Variants in MAST4 observed in about 807,000 individuals in gnomAD.
MAST4 encodes the protein microtubule associated serine/threonine kinase family member 4.
Under a neutral mutation model 162.7 loss-of-function variants are expected in MAST4, and 89 were observed. The ratio of observed to expected loss-of-function variants is 0.55; its 90% CI spans 0.46 to 0.65. The LOEUF is 0.65. Among genes scored for constraint, MAST4 ranks in the 30% least tolerant of loss-of-function variants. MAST4 has a pLI of 0.00. For missense variants in MAST4, 3,153 were observed against 3,374.0 expected (o/e 0.93, Z 1.62); for synonymous variants, 1,479 against 1,361.1 (o/e 1.09, Z -1.91).
At chr5:66,699,071 A>G (rs1749596084) in intron 1 of MAST4, among the ~76,000 whole-genome samples, 1 of 152,140 alleles carries the variant, frequency 6.6e-6, no homozygotes. Context: ...ATACTAGTTT[A>G]CCACCTCCAG....
chr5:66,764,578 T>A (rs573156654), intron 2 of MAST4, among the ~76,000 whole-genome samples: 1 of 152,194 alleles, frequency 6.6e-6, no homozygotes, highest in Admixed American at 6.5e-5. Context: ...TGATCCTGAC[T>A]CTGCATAGGC....
rs180992392 is a variant in MAST4, at chr5:67,149,698, C to T, written c.3295+109C>T. The T allele has an allele frequency of 4.9e-5, 54 of 1,093,620 alleles. 1 individual carries two copies. The South Asian group carries it at 6.6e-4, about 13-fold the overall frequency. 67.7% of individuals were successfully genotyped at this position (1,093,620 alleles called of 1,614,324 possible). ...GATGCAAGATTGCTTGAAGTAATAA[C>T]GGGTCATGTCCCAGGACAGCTCTTG... On this transcript the variant is annotated intron_variant, in intron 24 of 28. Transcript: ENST00000403625.
intron 4 of MAST4, among the ~76,000 whole-genome samples, chr5:66,919,978 TTC>T (rs70987149): frequency 1.7e-4 from 21 of 126,932 alleles, no homozygotes; most frequent in East Asian, 6.8e-4. Context: ...CCTTCCTTCT[TTC>T]TCTCTCTCTC....
Position 67,166,966 on chromosome 5 carries a change from CTCTT to C in MAST4, c.7791_7794del (p.Ser2598MetfsTer86), listed in dbSNP as rs781518525. The C allele has an allele frequency of 8.7e-6, 14 of 1,612,570 alleles. No homozygotes were observed. The highest frequency in any genetic ancestry group is 5.5e-5 in the South Asian group (5 of 90,918). The stretch of plus-strand genomic sequence containing the variant: ...GCCCCAAACACTGACCGCCCCATCT[CTCTT>C]TCTAATGAGAAGGACTTTGTGGTAC... On this transcript the variant is annotated frameshift_variant, in exon 29 of 29. Coordinates refer to ENST00000403625, the MANE Select transcript of MAST4 (RefSeq NM_001164664.2). LOFTEE classifies it high-confidence loss of function.
At chr5:66,747,343 C>G (rs1002445421) in intron 1 of MAST4, among the ~76,000 whole-genome samples, 3 of 152,040 alleles carry the variant, frequency 2.0e-5, no homozygotes, top group South Asian at 2.1e-4. Context: ...TGAAACACTT[C>G]TTATATTTCT....
intron 3 of MAST4, among the ~76,000 whole-genome samples, chr5:66,831,187 T>C (rs1410481130): frequency 1.3e-5 from 2 of 152,220 alleles, no homozygotes; most frequent in Admixed American, 6.5e-5. Context: ...TATCATTGCT[T>C]ATGAAATGAA....
chr5:66,601,084 G>T (rs545936078), intron 1 of MAST4, among the ~76,000 whole-genome samples: 1 of 152,168 alleles, frequency 6.6e-6, no homozygotes, highest in African/African-American at 2.4e-5. Flanking sequence ...TTATGGAGTG[G>T]GGGGTTTCCC....
intron 1 of MAST4, among the ~76,000 whole-genome samples, chr5:66,603,602 A>T (rs186903382): frequency 3.3e-5 from 5 of 152,354 alleles, no homozygotes; most frequent in Admixed American, 3.3e-4. Context: ...GAAATCTGTT[A>T]GGAATGCAAT....
intron 26 of MAST4, among the ~76,000 whole-genome samples, chr5:67,157,853 C>T (rs572498686): frequency 5.3e-5 from 8 of 152,220 alleles, no homozygotes; most frequent in South Asian, 2.1e-4. Flanking sequence ...ACAACGCTTA[C>T]GACTTGTTTG....
chr5:66,679,048 T>C (rs913561447), intron 1 of MAST4, among the ~76,000 whole-genome samples: 4 of 152,356 alleles, frequency 2.6e-5, no homozygotes, highest in African/African-American at 9.6e-5. Context: ...TGCCTCGGCC[T>C]CCTGAAGTCT....
chr5:66,597,712 G>A (rs1255272845), intron 1 of MAST4, among the ~76,000 whole-genome samples: 1 of 152,206 alleles, frequency 6.6e-6, no homozygotes, highest in African/African-American at 2.4e-5. Context: ...GGGCGGAGCG[G>A]GGTGGGGGAT....
intron 1 of MAST4, among the ~76,000 whole-genome samples, chr5:66,663,854 T>C (rs1747067895): frequency 6.6e-6 from 1 of 152,142 alleles, no homozygotes; most frequent in Admixed American, 6.5e-5. Flanking sequence ...GCTACCATGT[T>C]GAGGATAGAT....
intron 1 of MAST4, among the ~76,000 whole-genome samples, chr5:66,655,837 G>A (rs1234543120): frequency 6.6e-6 from 1 of 152,160 alleles, no homozygotes. Flanking sequence ...ATGGTAGCTA[G>A]TATCTGTTGT....
intron 3 of MAST4, among the ~76,000 whole-genome samples, chr5:66,845,087 A>G (rs1282022086): frequency 1.3e-4 from 2 of 15,938 alleles, no homozygotes; most frequent in South Asian, 4.4e-3. Context: ...ACTAATCTTT[A>G]TATATATATA....
chr5:67,081,095 AT>A (rs1742330303), intron 5 of MAST4, among the ~76,000 whole-genome samples: 20 of 100,622 alleles, frequency 2.0e-4, no homozygotes, highest in African/African-American at 6.7e-4. Context: ...TATATAATAT[AT>A]AATTGTATAT....
intron 4 of MAST4, among the ~76,000 whole-genome samples, chr5:67,027,884 T>C (rs1379085801): frequency 6.6e-6 from 1 of 152,188 alleles, no homozygotes. Context: ...TGTAGTTGAC[T>C]CTCCATCCTC....
intron 6 of MAST4, among the ~76,000 whole-genome samples, chr5:67,092,779 G>A (rs1460775812): frequency 2.0e-5 from 3 of 152,138 alleles, no homozygotes; most frequent in Non-Finnish European, 2.9e-5. Context: ...GCTGAGTTCA[G>A]GTCATCAGAC....
chr5:66,711,102 A>C (rs1416110478), intron 1 of MAST4, among the ~76,000 whole-genome samples: 2 of 152,330 alleles, frequency 1.3e-5, no homozygotes, highest in Non-Finnish European at 2.9e-5. Context: ...GGGATGTCCC[A>C]TTGTGTCTTG....
intron 2 of MAST4, 124 bp from the exon 3 acceptor site, chr5:66,788,546 G>C (rs1755223713): frequency 1.6e-6 from 2 of 1,252,024 alleles, no homozygotes; most frequent in Non-Finnish European, 2.3e-6. Flanking sequence ...TGTTATTACT[G>C]GGTATGGCAG....
Sources: allele counts gnomAD v4.1 joint callset (sites outside exome capture counted in the v4.1 genomes callset), GRCh38; gene constraint gnomAD v4.1.1; transcripts MANE v1.5; gene names NCBI Gene and HGNC (gene_info 2026-07-23, HGNC 2026-07-21).